Variants in SPIDR observed in about 807,000 individuals in gnomAD.
SPIDR encodes the protein DNA repair-scaffolding protein.
A neutral mutation model predicts 104.6 loss-of-function variants in SPIDR; 93 were observed. The ratio of observed to expected loss-of-function variants is 0.89; its 90% confidence interval spans 0.75 to 1.06. The LOEUF (loss-of-function observed/expected upper bound fraction) is 1.06, where lower values mean the gene tolerates loss of function less well. Among genes scored for constraint, SPIDR ranks in the 50% least tolerant of loss-of-function variants. SPIDR has a pLI of 0.00. For missense variants in SPIDR, 1,154 were observed against 1,111.2 expected (o/e 1.04, Z -0.55); for synonymous variants, 431 against 416.9 (o/e 1.03, Z -0.41).
intron 8 of SPIDR, among the ~76,000 whole-genome samples, chr8:47,450,787 A>G (rs2154348339): frequency 6.6e-6 from 1 of 152,314 alleles, no homozygotes; most frequent in African/African-American, 2.4e-5. Flanking sequence ...CTCTATCGAA[A>G]TAACTACCAA....
chr8:47,437,641 C>T (rs926691207), intron 7 of SPIDR, among the ~76,000 whole-genome samples: 1 of 151,978 alleles, frequency 6.6e-6, no homozygotes, highest in Admixed American at 6.6e-5. Flanking sequence ...TGAAAAAATG[C>T]TCATCATCAC....
At chr8:47,312,138 G>C (rs1488923567) in intron 5 of SPIDR, among the ~76,000 whole-genome samples, 10 of 152,258 alleles carry the variant, frequency 6.6e-5, no homozygotes, top group South Asian at 4.1e-4. Flanking sequence ...ATTTGGGTTG[G>C]TTCCAAGTCT....
chr8:47,418,544 A>G (rs1489087763), intron 7 of SPIDR, among the ~76,000 whole-genome samples: 1 of 152,162 alleles, frequency 6.6e-6, no homozygotes, highest in Admixed American at 6.5e-5. Context: ...TTTTCTAGAT[A>G]TACAATCATG....
chr8:47,550,710 G>A (rs1398779125), intron 8 of SPIDR, among the ~76,000 whole-genome samples: 1 of 152,182 alleles, frequency 6.6e-6, no homozygotes, highest in Admixed American at 6.5e-5. Flanking sequence ...CATGGCATCT[G>A]CAAACAGGAA....
At chr8:47,389,983 A>G (rs559725538) in intron 5 of SPIDR, among the ~76,000 whole-genome samples, 1 of 152,328 alleles carries the variant, frequency 6.6e-6, no homozygotes, top group East Asian at 1.9e-4. Context: ...GGATATGAAC[A>G]CACAGGAAGA....
rs1210512694 is a variant in SPIDR, at chr8:47,464,149, CACACACAG to C, written c.1097+23609_1097+23616del. On this transcript the variant is annotated intron_variant, in intron 8 of 19. Transcript: ENST00000297423. ...ACACACACACACACACACACACACA[CACACACAG>C]AGCACGTTAGTAAATTGAGGAAAGT... Among the ~76,000 whole-genome samples, 6 of 146,200 alleles carry C rather than the reference CACACACAG, an allele frequency of 4.1e-5. No homozygotes were observed. In the Admixed American group the frequency reaches 4.2e-4, roughly 10 times the overall value.
In SPIDR at chr8:47,472,759, C is replaced by T. The variant is rs527524090; in HGVS notation, c.1097+32217C>T. ...GTCAGAGATATAAGATAGTTTTGAT[C>T]TAGCTTTGAAGCCCTGGTTAAGGAC... On this transcript the variant is annotated intron_variant, in intron 8 of 19. Transcript: ENST00000297423. 4.6e-5 allele frequency among the ~76,000 whole-genome samples: 7 copies of T among 152,256 alleles called. No individual in the cohort carries two copies. The South Asian group carries it at 1.4e-3, about 32-fold the overall frequency.
At chr8:47,437,902 G>C (rs1358504736) in intron 7 of SPIDR, among the ~76,000 whole-genome samples, 1 of 152,196 alleles carries the variant, frequency 6.6e-6, no homozygotes, top group Admixed American at 6.5e-5. Context: ...TATACCCAAA[G>C]AACTCTAAAT....
intron 8 of SPIDR, among the ~76,000 whole-genome samples, chr8:47,542,824 A>T (rs574151041): frequency 1.2e-4 from 19 of 152,334 alleles, no homozygotes; most frequent in African/African-American, 4.6e-4. Context: ...GCCACTCTTC[A>T]TAGGCATACT....
At chr8:47,567,222 TA>T (rs1234852433) in intron 8 of SPIDR, among the ~76,000 whole-genome samples, 20 of 149,042 alleles carry the variant, frequency 1.3e-4, no homozygotes, top group African/African-American at 3.0e-4. Flanking sequence ...TATATATATA[TA>T]TATATTTTTT....
chr8:47,379,751 G>C (rs2059105954), intron 5 of SPIDR, among the ~76,000 whole-genome samples: 1 of 152,132 alleles, frequency 6.6e-6, no homozygotes, highest in Non-Finnish European at 1.5e-5. Flanking sequence ...TTATTCACCT[G>C]AGTGTATTCA....
At chr8:47,655,485 G>A (rs1588883405) in intron 10 of SPIDR, among the ~76,000 whole-genome samples, 1 of 152,166 alleles carries the variant, frequency 6.6e-6, no homozygotes, top group African/African-American at 2.4e-5. Flanking sequence ...GTGATGATGA[G>A]CATTTTTTCA....
chr8:47,324,683 T>A (rs1470662237), intron 5 of SPIDR, among the ~76,000 whole-genome samples: 1 of 152,344 alleles, frequency 6.6e-6, no homozygotes, highest in East Asian at 1.9e-4. Flanking sequence ...TTAAAGGGGC[T>A]CTTTGGCCAG....
chr8:47,532,607 T>C (rs893717912), intron 8 of SPIDR, among the ~76,000 whole-genome samples: 3 of 152,210 alleles, frequency 2.0e-5, no homozygotes, highest in African/African-American at 7.2e-5. Context: ...AATGTGTATT[T>C]ATGTGACAAC....
chr8:47,476,203 T>C (rs565563073), intron 8 of SPIDR, among the ~76,000 whole-genome samples: 1 of 152,132 alleles, frequency 6.6e-6, no homozygotes, highest in Non-Finnish European at 1.5e-5. Flanking sequence ...GGATGGTCTG[T>C]TGTGTCTACG....
chr8:47,692,751 A>C (rs939762370), intron 11 of SPIDR, among the ~76,000 whole-genome samples: 4 of 152,004 alleles, frequency 2.6e-5, no homozygotes, highest in African/African-American at 9.7e-5. Context: ...CCCGGCCAGA[A>C]TTTCATTCTT....
intron 11 of SPIDR, among the ~76,000 whole-genome samples, chr8:47,696,970 G>C (rs945390073): frequency 6.6e-6 from 1 of 152,154 alleles, no homozygotes; most frequent in African/African-American, 2.4e-5. Flanking sequence ...GAGGACGTGA[G>C]TTGGCAGGAC....
At chr8:47,562,826 C>T (rs1271405721) in intron 8 of SPIDR, among the ~76,000 whole-genome samples, 1 of 152,134 alleles carries the variant, frequency 6.6e-6, no homozygotes, top group Non-Finnish European at 1.5e-5. Flanking sequence ...CCCTTCATCC[C>T]CGCCAAACTT....
intron 7 of SPIDR, among the ~76,000 whole-genome samples, chr8:47,412,210 A>T (rs1010884316): frequency 6.6e-6 from 1 of 152,202 alleles, no homozygotes; most frequent in Non-Finnish European, 1.5e-5. Context: ...TGGTAGCTTG[A>T]TGGGGATGGC....
Sources: allele counts gnomAD v4.1 joint callset (sites outside exome capture counted in the v4.1 genomes callset), GRCh38; gene constraint gnomAD v4.1.1; transcripts MANE v1.5; gene names NCBI Gene and HGNC (gene_info 2026-07-23, HGNC 2026-07-21).